The following DLG2 variants were observed in gnomAD, a reference collection of about 807,000 sequenced individuals.
The protein encoded by DLG2 is disks large homolog 2.
Under a neutral mutation model 132.5 loss-of-function variants are expected in DLG2, and 45 were observed. That is an observed-to-expected ratio of 0.34 (90% confidence interval 0.27 to 0.44). The LOEUF (loss-of-function observed/expected upper bound fraction) is 0.44, where lower values mean the gene tolerates loss of function less well. Among genes scored for constraint, DLG2 ranks in the 20% least tolerant of loss-of-function variants. DLG2 has a pLI of 1.00. For missense variants in DLG2, 1,045 were observed against 1,196.9 expected (o/e 0.87, Z 1.87); for synonymous variants, 424 against 419.6 (o/e 1.01, Z -0.13).
chr11:84,834,151 C>A (rs369874000), intron 6 of DLG2, among the ~76,000 whole-genome samples: 55 of 151,658 alleles, frequency 3.6e-4, no homozygotes, highest in African/African-American at 1.3e-3. Context: ...ATTAAATAAC[C>A]ATTTCAAATA....
At chr11:85,515,124 G>T (rs947230983) in intron 3 of DLG2, among the ~76,000 whole-genome samples, 6 of 151,834 alleles carry the variant, frequency 4.0e-5, no homozygotes, top group Non-Finnish European at 2.9e-5. Context: ...TAATTTGATT[G>T]TTGGAATATA....
intron 6 of DLG2, among the ~76,000 whole-genome samples, chr11:84,580,392 T>C (rs943992802): frequency 2.6e-5 from 4 of 152,238 alleles, no homozygotes; most frequent in Non-Finnish European, 5.9e-5. Flanking sequence ...AGTCTTAGTC[T>C]CAAACTACAT....
At chr11:83,694,498 T>C (rs1370704814) in intron 18 of DLG2, among the ~76,000 whole-genome samples, 1 of 152,212 alleles carries the variant, frequency 6.6e-6, no homozygotes. Context: ...AACTTCCAGA[T>C]AGCAACCATA....
chr11:85,266,630 A>G (rs575943999), intron 4 of DLG2, among the ~76,000 whole-genome samples: 4 of 152,192 alleles, frequency 2.6e-5, no homozygotes, highest in Admixed American at 6.5e-5. Flanking sequence ...GAAAGAAAGA[A>G]AAGAAAAAGA....
chr11:85,026,381 T>C (rs2060512358), intron 6 of DLG2, among the ~76,000 whole-genome samples: 1 of 152,182 alleles, frequency 6.6e-6, no homozygotes, highest in Admixed American at 6.5e-5. Flanking sequence ...AATTAAAATA[T>C]GAAGACTTTT....
rs569690602 is a variant in DLG2 at position 83,692,359 on chromosome 11, C to T, written c.1826-59034G>A. Among the ~76,000 whole-genome samples, 4 of 152,100 alleles carry T rather than the reference C, an allele frequency of 2.6e-5. No homozygotes were observed. The East Asian group carries it at 5.8e-4, about 22-fold the overall frequency. On this transcript the variant is annotated intron_variant, in intron 18 of 27. Coordinates refer to ENST00000376104, the MANE Select transcript of DLG2 (RefSeq NM_001142699.3). Reference sequence around the variant, plus strand: ...TCTGTAAAATGGAAGTAATAACATGCCTAACTTTTAGGATCATGGTGAGGG... The same window carrying T: ...TCTGTAAAATGGAAGTAATAACATGTCTAACTTTTAGGATCATGGTGAGGG...
intron 16 of DLG2, among the ~76,000 whole-genome samples, chr11:83,841,726 A>C (rs2057573932): frequency 6.6e-6 from 1 of 152,226 alleles, no homozygotes; most frequent in Non-Finnish European, 1.5e-5. Flanking sequence ...TAATTTGGTC[A>C]CTCACAATAT....
intron 3 of DLG2, among the ~76,000 whole-genome samples, chr11:85,418,898 A>C (rs144582192): frequency 8.3e-4 from 127 of 152,118 alleles, no homozygotes; most frequent in African/African-American, 2.9e-3. Context: ...TTTCCAGTCT[A>C]TGTCTTTTAA....
chr11:85,612,655 T>C (rs2081085387), intron 2 of DLG2, among the ~76,000 whole-genome samples: 1 of 152,190 alleles, frequency 6.6e-6, no homozygotes, highest in Non-Finnish European at 1.5e-5. Flanking sequence ...GTTTACAGTG[T>C]AACATATATT....
At chr11:84,803,006 G>A (rs1025840280) in intron 6 of DLG2, among the ~76,000 whole-genome samples, 1 of 152,064 alleles carries the variant, frequency 6.6e-6, no homozygotes, top group Admixed American at 6.6e-5. Context: ...CACAGTGTTA[G>A]CCAGGATTGC....
At chr11:84,050,128 A>G (rs1205356279) in intron 11 of DLG2, among the ~76,000 whole-genome samples, 1 of 148,890 alleles carries the variant, frequency 6.7e-6, no homozygotes, top group Non-Finnish European at 1.5e-5. Context: ...AATGCTACTT[A>G]CTGGCAATGA....
intron 11 of DLG2, among the ~76,000 whole-genome samples, chr11:84,003,179 C>T (rs1279037782): frequency 6.6e-6 from 1 of 152,136 alleles, no homozygotes; most frequent in Non-Finnish European, 1.5e-5. Flanking sequence ...CATCTGAGAC[C>T]ACCTAAGCTT....
At chr11:84,145,772 T>C (rs969484479) in intron 9 of DLG2, among the ~76,000 whole-genome samples, 1 of 152,108 alleles carries the variant, frequency 6.6e-6, no homozygotes, top group Non-Finnish European at 1.5e-5. Context: ...GCTGAGCACT[T>C]ACAGAGAAAA....
intron 18 of DLG2, among the ~76,000 whole-genome samples, chr11:83,662,860 T>C (rs1014880054): frequency 1.9e-4 from 29 of 152,296 alleles, no homozygotes; most frequent in African/African-American, 6.7e-4. Flanking sequence ...TGGCACAGGA[T>C]CACAGGATTT....
intron 3 of DLG2, among the ~76,000 whole-genome samples, chr11:85,480,619 TA>T (rs1343747675): frequency 6.6e-6 from 1 of 152,208 alleles, no homozygotes; most frequent in Non-Finnish European, 1.5e-5. Flanking sequence ...AACCAATAAA[TA>T]AATTCCCAAA....
chr11:84,622,335 A>G (rs747677504), intron 6 of DLG2, among the ~76,000 whole-genome samples: 29 of 152,176 alleles, frequency 1.9e-4, no homozygotes, highest in Non-Finnish European at 3.7e-4. Context: ...GGAGCATATG[A>G]CTGTATAGAA....
chr11:85,310,170 A>G (rs1231570799), intron 3 of DLG2, among the ~76,000 whole-genome samples: 3 of 152,218 alleles, frequency 2.0e-5, no homozygotes, highest in Non-Finnish European at 2.9e-5. Flanking sequence ...AGAATAGACA[A>G]AAATAATCCA....
intron 3 of DLG2, among the ~76,000 whole-genome samples, chr11:85,287,281 G>A (rs1482196695): frequency 2.0e-5 from 3 of 151,844 alleles, no homozygotes; most frequent in African/African-American, 7.3e-5. Flanking sequence ...ACAGACAAAG[G>A]AACAGTATCC....
intron 15 of DLG2, among the ~76,000 whole-genome samples, chr11:83,929,728 A>AAT (rs1036383689): frequency 1.3e-5 from 2 of 152,066 alleles, no homozygotes; most frequent in South Asian, 2.1e-4. Context: ...TAAATAAGAG[A>AAT]ATATATATAT....
Sources: gnomAD v4.1 joint callset for allele counts (sites outside exome capture counted in the v4.1 genomes callset) on GRCh38, gnomAD v4.1.1 for gene constraint, MANE v1.5 for transcripts, NCBI Gene and HGNC (gene_info 2026-07-23, HGNC 2026-07-21) for gene names.